CMPK1: variants seen among roughly 807,000 people sequenced by gnomAD.
The protein encoded by CMPK1 is UMP-CMP kinase.
In CMPK1, 10 loss-of-function variants were observed where a neutral mutation model predicts 25.7. That is an observed-to-expected ratio of 0.39 (90% CI 0.24 to 0.66). The LOEUF (loss-of-function observed/expected upper bound fraction) is 0.66. Ranked by LOEUF, CMPK1 falls within the 30% of genes least tolerant of loss-of-function variation. The pLI, the probability that CMPK1 is intolerant of heterozygous loss-of-function variation, is 0.48. For missense variants in CMPK1, 199 were observed against 280.5 expected (o/e 0.71, Z 2.08); for synonymous variants, 106 against 101.5 (o/e 1.04, Z -0.27).
In CMPK1 at chr1:47,349,782, G is replaced by T. The variant is rs922219365; in HGVS notation, c.171+15666G>T. Among the ~76,000 whole-genome samples, 4 of 152,202 alleles carry T rather than the reference G, an allele frequency of 2.6e-5. 1 individual carries two copies. The highest frequency in any genetic ancestry group is 4.1e-4 in the South Asian group (2 of 4,822). ...TGTTTGTTTGTTTGTTTTGGAGACAGGGTCTTGTTCTGTTGCCCAACTTTC... is the reference window on the plus strand; with the variant it reads ...TGTTTGTTTGTTTGTTTTGGAGACATGGTCTTGTTCTGTTGCCCAACTTTC... On this transcript the variant is annotated intron_variant, in intron 1 of 5. Transcript: ENST00000371873.
chr1:47,336,778 G>A (rs529819771), intron 1 of CMPK1, among the ~76,000 whole-genome samples: 1 of 152,126 alleles, frequency 6.6e-6, no homozygotes, highest in African/African-American at 2.4e-5. Context: ...TTACTGCCTT[G>A]GCTTCTCAAA....
intron 1 of CMPK1, among the ~76,000 whole-genome samples, chr1:47,356,027 A>G (rs1646558735): frequency 6.6e-6 from 1 of 152,138 alleles, no homozygotes; most frequent in Admixed American, 6.5e-5. Context: ...AAAAGTTTTT[A>G]TTATTAATGT....
chr1:47,365,590 T>C (rs1374043609), intron 1 of CMPK1, among the ~76,000 whole-genome samples: 1 of 134,302 alleles, frequency 7.4e-6, no homozygotes, highest in Admixed American at 8.6e-5. Flanking sequence ...GCTGAGATCG[T>C]GCCACTGCAC....
intron 3 of CMPK1, among the ~76,000 whole-genome samples, chr1:47,374,231 A>G (rs374340142): frequency 1.3e-5 from 2 of 152,030 alleles, no homozygotes; most frequent in Admixed American, 6.6e-5. Flanking sequence ...TAATTTTTGT[A>G]TTTTTAGTAG....
At position 47,367,517 on chromosome 1, in the gene CMPK1, A is replaced by G. The variant is rs115033490; in HGVS notation, c.172-952A>G. ...GGGTTGGGAGTGTGGGCTGCCTCAA[A>G]TCTTAACATCGAAGCTAAAGATAAC... is the stretch of plus-strand genomic sequence containing the variant. On this transcript the variant is annotated intron_variant, in intron 1 of 5. Transcript: ENST00000371873. 9.2e-3 allele frequency among the ~76,000 whole-genome samples: 1,403 copies of G among 152,300 alleles called. 25 individuals carry two copies. The highest frequency in any genetic ancestry group is 0.031 in the African/African-American group (1,301 of 41,554).
At chr1:47,337,785 G>A (rs1249471377) in intron 1 of CMPK1, among the ~76,000 whole-genome samples, 1 of 151,876 alleles carries the variant, frequency 6.6e-6, no homozygotes, top group African/African-American at 2.4e-5. Context: ...GCTAATTTTT[G>A]TATTTTTAGT....
intron 5 of CMPK1, among the ~76,000 whole-genome samples, chr1:47,375,803 C>T (rs932792783): frequency 2.0e-5 from 3 of 152,282 alleles, no homozygotes; most frequent in East Asian, 1.9e-4. Flanking sequence ...AAATAGCGAT[C>T]TCTAAATTGT....
intron 1 of CMPK1, among the ~76,000 whole-genome samples, chr1:47,339,469 T>C (rs1172106043): frequency 6.6e-6 from 1 of 152,214 alleles, no homozygotes; most frequent in Non-Finnish European, 1.5e-5. Flanking sequence ...TCATTTATCT[T>C]TGTGTCCCCA....
chr1:47,373,304 AAT>A, intron 3 of CMPK1, 197 bp downstream of exon 3: 1 of 387,512 alleles, frequency 2.6e-6, no homozygotes, highest in Non-Finnish European at 4.5e-6. Context: ...TGTGGAGCTA[AAT>A]TTTCCTTTAT....
chr1:47,333,904 G>C lies in CMPK1; in HGVS notation c.-42G>C. 8.4e-7 allele frequency: 1 copy of C among 1,187,584 alleles called. No homozygotes were observed. The highest frequency in any genetic ancestry group is 1.1e-6 in the Non-Finnish European group (1 of 950,178). 73.6% of individuals were successfully genotyped at this position (1,187,584 alleles called of 1,614,324 possible). A position where few individuals can be genotyped will look rare whatever the true frequency, so the allele number is the denominator to read the frequency against. On this transcript the variant is annotated 5_prime_UTR_variant, in exon 1 of 6. Transcript: ENST00000371873. ...TCCCCGCCCCGCCCCGCGCCGCGCC[G>C]GCCGCTGTCAGCTCCCTCAGCGTCC...
chr1:47,357,450 C>T (rs925410670), intron 1 of CMPK1, among the ~76,000 whole-genome samples: 3 of 150,334 alleles, frequency 2.0e-5, no homozygotes, highest in Non-Finnish European at 2.9e-5. Context: ...GGAAACCACT[C>T]TGTGATAACG....
In CMPK1 at chr1:47,368,950, CA is replaced by C. The variant is rs1646658323; in HGVS notation, c.318+337del. Among the ~76,000 whole-genome samples the C allele has an allele frequency of 2.0e-5, 3 of 152,186 alleles. No individual in the cohort carries two copies. The South Asian group carries it at 6.2e-4, about 32-fold the overall frequency. On this transcript the variant is annotated intron_variant, in intron 2 of 5. Coordinates refer to ENST00000371873, the MANE Select transcript of CMPK1 (RefSeq NM_016308.3). ...CTCTCAAAAATAAATAAATAAACAA[CA>C]ATAATAATAAAAATAAATCCACCTT...
chr1:47,349,951 C>A (rs1290720709), intron 1 of CMPK1, among the ~76,000 whole-genome samples: 3 of 152,014 alleles, frequency 2.0e-5, no homozygotes, highest in African/African-American at 7.2e-5. Flanking sequence ...ATTACAGGCA[C>A]GCGCCACCAC....
intron 1 of CMPK1, among the ~76,000 whole-genome samples, chr1:47,359,386 C>CTTTTT (rs71053107): frequency 1.9e-5 from 2 of 102,758 alleles, no homozygotes; most frequent in Non-Finnish European, 1.8e-5. Flanking sequence ...AACCTTTTTT[C>CTTTTT]TTTTTTTTTT....
chr1:47,346,343 A>C (rs1333142535), intron 1 of CMPK1, among the ~76,000 whole-genome samples: 1 of 151,980 alleles, frequency 6.6e-6, no homozygotes, highest in Non-Finnish European at 1.5e-5. Flanking sequence ...CCCAGGCATG[A>C]GCTACTGCGC....
chr1:47,338,146 A>G (rs776492293), intron 1 of CMPK1, among the ~76,000 whole-genome samples: 2 of 152,170 alleles, frequency 1.3e-5, no homozygotes, highest in African/African-American at 2.4e-5. Context: ...TTACTTTAGT[A>G]TGTTGATTTC....
At chr1:47,358,700 G>C in intron 1 of CMPK1, 1 of 985,482 alleles carries the variant, frequency 1.0e-6, no homozygotes, top group Non-Finnish European at 1.2e-6. Context: ...AGGTTCTTGT[G>C]ATCTTTGCTG....
At chr1:47,358,104 C>CTTTTTT (rs398039948) in intron 1 of CMPK1, among the ~76,000 whole-genome samples, 1,339 of 78,716 alleles carry the variant, frequency 0.017, 80 homozygotes, top group African/African-American at 0.019. Context: ...CATAGTAGGT[C>CTTTTTT]TTTTTTTTTT....
intron 1 of CMPK1, among the ~76,000 whole-genome samples, chr1:47,365,822 T>A (rs1646636141): frequency 6.6e-6 from 1 of 152,164 alleles, no homozygotes; most frequent in Admixed American, 6.5e-5. Context: ...TTTTTCAACT[T>A]CTTAAAGGAA....
Sources: allele counts gnomAD v4.1 joint callset (sites outside exome capture counted in the v4.1 genomes callset), GRCh38; gene constraint gnomAD v4.1.1; transcripts MANE v1.5; gene names NCBI Gene and HGNC (gene_info 2026-07-23, HGNC 2026-07-21).